Variants in CDH12 observed in about 807,000 individuals in gnomAD.
The protein encoded by CDH12 is cadherin 12, also known as cadherin-12.
Under a neutral mutation model 74.1 loss-of-function variants are expected in CDH12, and 41 were observed. That is an observed-to-expected ratio of 0.55 (90% CI 0.43 to 0.72). The LOEUF (loss-of-function observed/expected upper bound fraction) is 0.72. Among genes scored for constraint, CDH12 ranks in the 30% least tolerant of loss-of-function variants. The pLI, the probability that CDH12 is intolerant of heterozygous loss-of-function variation, is 0.00. For synonymous variants in CDH12, 399 were observed against 355.0 expected, an observed-to-expected ratio of 1.12 and a Z score of -1.39; for missense variants, 945 against 977.2, an observed-to-expected ratio of 0.97 and a Z score of 0.44.
chr5:21,970,464 T>A (rs1034128322), intron 6 of CDH12, among the ~76,000 whole-genome samples: 6 of 152,070 alleles, frequency 3.9e-5, no homozygotes, highest in African/African-American at 1.4e-4. Flanking sequence ...TGTTTCTAAG[T>A]TATAATAGTT....
At chr5:22,672,848 T>G (rs2126916658) in intron 1 of CDH12, among the ~76,000 whole-genome samples, 1 of 152,324 alleles carries the variant, frequency 6.6e-6, no homozygotes, top group East Asian at 1.9e-4. Context: ...TTGTATGTTC[T>G]ATTTCTAAGC....
At chr5:21,999,078 G>A (rs1254847781) in intron 5 of CDH12, among the ~76,000 whole-genome samples, 7 of 152,048 alleles carry the variant, frequency 4.6e-5, no homozygotes, top group Non-Finnish European at 1.0e-4. Context: ...CATACTGGCA[G>A]GAAATCTTTA....
intron 5 of CDH12, among the ~76,000 whole-genome samples, chr5:22,044,433 A>G (rs2047491193): frequency 6.6e-6 from 1 of 152,148 alleles, no homozygotes; most frequent in Non-Finnish European, 1.5e-5. Flanking sequence ...GGCAGGAGAG[A>G]GAGAGCAGGA....
At chr5:22,288,500 C>A (rs913953972) in intron 3 of CDH12, among the ~76,000 whole-genome samples, 8 of 152,144 alleles carry the variant, frequency 5.3e-5, no homozygotes, top group Non-Finnish European at 8.8e-5. Context: ...ATGTCCGTAT[C>A]TGATCTATTT....
intron 4 of CDH12, among the ~76,000 whole-genome samples, chr5:22,165,852 A>G (rs1748651814): frequency 6.6e-6 from 1 of 152,240 alleles, no homozygotes; most frequent in African/African-American, 2.4e-5. Context: ...GCGCTAGGAC[A>G]GTTTACAAAT....
At chr5:22,018,049 G>A (rs1235590606) in intron 5 of CDH12, among the ~76,000 whole-genome samples, 6 of 152,108 alleles carry the variant, frequency 3.9e-5, no homozygotes, top group African/African-American at 9.7e-5. Context: ...ATGAGCCATC[G>A]TGTCCGGCTG....
chr5:22,623,035 T>A (rs1039292962), intron 1 of CDH12, among the ~76,000 whole-genome samples: 1 of 152,170 alleles, frequency 6.6e-6, no homozygotes, highest in Non-Finnish European at 1.5e-5. Context: ...TCAATAAACG[T>A]AATCAGCATA....
intron 1 of CDH12, among the ~76,000 whole-genome samples, chr5:22,596,301 T>TGGG (rs142407831): frequency 0.14 from 21,104 of 149,176 alleles, 2,056 homozygotes; most frequent in East Asian, 0.34. Flanking sequence ...ATTAGCTGGG[T>TGGG]GTGGTGGCGG....
intron 5 of CDH12, among the ~76,000 whole-genome samples, chr5:22,042,212 T>A: frequency 6.6e-6 from 1 of 150,874 alleles, no homozygotes; most frequent in East Asian, 2.0e-4. Context: ...AAATTAGAAA[T>A]ATCTCAAATA....
chr5:22,071,999 A>C (rs561423559), intron 5 of CDH12, among the ~76,000 whole-genome samples: 71 of 152,022 alleles, frequency 4.7e-4, no homozygotes, highest in African/African-American at 1.7e-3. Context: ...ATTTTTCATT[A>C]TCTCTTCACC....
chr5:22,299,972 CA>C (rs1737802385), intron 3 of CDH12, among the ~76,000 whole-genome samples: 1 of 152,146 alleles, frequency 6.6e-6, no homozygotes, highest in Non-Finnish European at 1.5e-5. Context: ...GGCTTTTACT[CA>C]AGTGCATAGA....
intron 6 of CDH12, among the ~76,000 whole-genome samples, chr5:21,880,094 G>A (rs1342811370): frequency 6.6e-6 from 1 of 152,120 alleles, no homozygotes; most frequent in Non-Finnish European, 1.5e-5. Flanking sequence ...TGGGACTCAG[G>A]GTCAGTTCCA....
chr5:22,033,878 C>CT (rs1350482376), intron 5 of CDH12, among the ~76,000 whole-genome samples: 1 of 152,174 alleles, frequency 6.6e-6, no homozygotes, highest in African/African-American at 2.4e-5. Flanking sequence ...CTTAGCATTT[C>CT]TGTCATTATA....
At chr5:22,439,522 A>T (rs1744538226) in intron 2 of CDH12, among the ~76,000 whole-genome samples, 2 of 152,128 alleles carry the variant, frequency 1.3e-5, no homozygotes, top group African/African-American at 4.8e-5. Flanking sequence ...GAGGCAATAT[A>T]GACATTTTGC....
intron 10 of CDH12, among the ~76,000 whole-genome samples, chr5:21,794,401 G>A (rs1418752518): frequency 6.6e-6 from 1 of 151,640 alleles, no homozygotes; most frequent in Non-Finnish European, 1.5e-5. Context: ...ACCAACTTCA[G>A]AGAAATAATT....
At chr5:22,363,661 T>A (rs901538180) in intron 3 of CDH12, among the ~76,000 whole-genome samples, 13 of 152,298 alleles carry the variant, frequency 8.5e-5, no homozygotes, top group African/African-American at 3.1e-4. Flanking sequence ...CTTGATTACA[T>A]TTATATACAA....
chr5:22,418,484 T>C (rs1743494680), intron 2 of CDH12, among the ~76,000 whole-genome samples: 1 of 152,216 alleles, frequency 6.6e-6, no homozygotes, highest in South Asian at 2.1e-4. Context: ...AATATTCTGT[T>C]GAATAGGAGT....
chr5:22,138,597 A>AT (rs989215496), intron 4 of CDH12, among the ~76,000 whole-genome samples: 16 of 150,468 alleles, frequency 1.1e-4, no homozygotes, highest in Non-Finnish European at 2.2e-4. Flanking sequence ...TGATGGAAGC[A>AT]TTTTTTAAAT....
chr5:22,097,868 A>G (rs1743883757), intron 4 of CDH12, among the ~76,000 whole-genome samples: 1 of 152,118 alleles, frequency 6.6e-6, no homozygotes, highest in Admixed American at 6.5e-5. Context: ...AAAGCCTGTT[A>G]TCTCTCACCT....
Sources: allele counts gnomAD v4.1 joint callset (sites outside exome capture counted in the v4.1 genomes callset), GRCh38; gene constraint gnomAD v4.1.1; transcripts MANE v1.5; gene names NCBI Gene and HGNC (gene_info 2026-07-23, HGNC 2026-07-21).